The following CLSTN2 variants were observed in gnomAD, a reference collection of about 807,000 sequenced individuals.
CLSTN2 encodes calsyntenin 2, also known as calsyntenin-2.
A neutral mutation model predicts 101.2 loss-of-function variants in CLSTN2; 48 were observed. The ratio of observed to expected loss-of-function variants is 0.47; its 90% CI spans 0.38 to 0.60. CLSTN2 has a LOEUF of 0.60. CLSTN2 is among the 20% of genes least tolerant of loss of function. CLSTN2 has a pLI of 0.00. For missense variants in CLSTN2, 1,160 were observed against 1,238.2 expected, an observed-to-expected ratio of 0.94 and a Z score of 0.95; for synonymous variants, 481 against 463.6, an observed-to-expected ratio of 1.04 and a Z score of -0.48.
chr3:140,513,319 C>T lies in CLSTN2; in HGVS notation c.1345-19005C>T, dbSNP rs779032391. Among the ~76,000 whole-genome samples, 5 of 151,906 alleles carry T rather than the reference C, an allele frequency of 3.3e-5. No individual in the cohort carries two copies. The South Asian group carries it at 6.2e-4, about 19-fold the overall frequency. Reference sequence around the variant, plus strand: ...TTTATTGAGAGTTTTTAACATGAAGCGATGTTAAATTTTATCAAAGGCCTT... The same window carrying T: ...TTTATTGAGAGTTTTTAACATGAAGTGATGTTAAATTTTATCAAAGGCCTT... On this transcript the variant is annotated intron_variant, in intron 8 of 16. Coordinates refer to ENST00000458420, the MANE Select transcript of CLSTN2 (RefSeq NM_022131.3).
At chr3:140,333,358 G>A (rs1003955902) in intron 2 of CLSTN2, among the ~76,000 whole-genome samples, 1 of 152,138 alleles carries the variant, frequency 6.6e-6, no homozygotes. Context: ...GGGTCTTAGC[G>A]TGTCTCTCTG....
chr3:140,319,753 G>C (rs190871382), intron 2 of CLSTN2, among the ~76,000 whole-genome samples: 3,801 of 152,280 alleles, frequency 0.025, 174 homozygotes, highest in African/African-American at 0.086. Flanking sequence ...CTAATAATAA[G>C]CAAAGGTGCA....
chr3:140,493,623 A>C (rs1291406428), intron 8 of CLSTN2, among the ~76,000 whole-genome samples: 2 of 152,242 alleles, frequency 1.3e-5, no homozygotes, highest in Non-Finnish European at 2.9e-5. Flanking sequence ...GCTGGACAAC[A>C]TAACCAGGTC....
At chr3:140,402,441 C>G (rs929258297) in intron 2 of CLSTN2, among the ~76,000 whole-genome samples, 1 of 152,136 alleles carries the variant, frequency 6.6e-6, no homozygotes, top group African/African-American at 2.4e-5. Flanking sequence ...AAATACTTGC[C>G]TTGCAGGTTT....
chr3:140,222,768 C>T (rs934758310), intron 2 of CLSTN2, among the ~76,000 whole-genome samples: 1 of 151,510 alleles, frequency 6.6e-6, no homozygotes, highest in Admixed American at 6.6e-5. Flanking sequence ...TCCCACTACC[C>T]TGATGTGATT....
At chr3:140,066,421 G>T (rs770608583) in intron 1 of CLSTN2, among the ~76,000 whole-genome samples, 24 of 152,232 alleles carry the variant, frequency 1.6e-4, no homozygotes, top group Non-Finnish European at 2.8e-4. Flanking sequence ...TTAGAGGAAA[G>T]GCTTGGGTAG....
At chr3:140,059,387 G>A (rs1023365441) in intron 1 of CLSTN2, among the ~76,000 whole-genome samples, 34 of 152,332 alleles carry the variant, frequency 2.2e-4, no homozygotes, top group African/African-American at 5.3e-4. Flanking sequence ...CCATAAATGT[G>A]TGTTCAATGT....
At chr3:140,076,326 G>A (rs2008487888) in intron 1 of CLSTN2, among the ~76,000 whole-genome samples, 1 of 152,160 alleles carries the variant, frequency 6.6e-6, no homozygotes, top group African/African-American at 2.4e-5. Context: ...CTCTTAGGCT[G>A]TTTCCTCACC....
In CLSTN2 at chr3:140,570,570, T is replaced by C. The variant is rs2107798422; in HGVS notation, c.*4317T>C. On this transcript the variant is annotated 3_prime_UTR_variant, in exon 17 of 17. Coordinates refer to ENST00000458420, the MANE Select transcript of CLSTN2 (RefSeq NM_022131.3). ...TGTACTCAGCTCTCCTATTGTAGCA[T>C]GAAAACAGACAATACGTACAACAAA... 1 of 152,324 alleles carries C rather than the reference T, an allele frequency of 6.6e-6. No individual in the cohort carries two copies. The highest frequency in any genetic ancestry group is 6.5e-5 in the Admixed American group (1 of 15,302). The allele number at this position is 152,324 out of a possible 1,614,324, so 9.4% of individuals were successfully genotyped here. A position where few individuals can be genotyped will look rare whatever the true frequency, so the allele number is the denominator to read the frequency against.
chr3:140,546,569 G>C lies in CLSTN2; in HGVS notation c.1562G>C (p.Ser521Thr), dbSNP rs962838828. Residue 521 changes from serine (S) to threonine (T), a missense_variant, in exon 10 of 17, where the codon AGT becomes ACT. Transcript: ENST00000458420. ...FAQFFHGSLA[S>T]LTIRPGKMES... ...CAGTTCTTTCATGGAAGCCTGGCCA[G>C]TCTCACCATCCGCCCTGGCAAAATG... 11 of 1,613,996 alleles carry C rather than the reference G, an allele frequency of 6.8e-6. No homozygotes were observed. The African/African-American group carries it at 1.2e-4, about 18-fold the overall frequency.
At chr3:140,488,192 T>C (rs1187192138) in intron 8 of CLSTN2, among the ~76,000 whole-genome samples, 1 of 152,214 alleles carries the variant, frequency 6.6e-6, no homozygotes, top group Non-Finnish European at 1.5e-5. Flanking sequence ...ATGAAGTACA[T>C]ATTCATTCAC....
intron 8 of CLSTN2, among the ~76,000 whole-genome samples, chr3:140,496,480 G>A (rs112409802): frequency 0.21 from 31,803 of 151,762 alleles, 3,416 homozygotes; most frequent in African/African-American, 0.25. Context: ...TGATTTCCTG[G>A]GCCAAACTTC....
intron 5 of CLSTN2, among the ~76,000 whole-genome samples, chr3:140,428,923 G>A (rs1216718126): frequency 6.6e-6 from 1 of 152,124 alleles, no homozygotes; most frequent in African/African-American, 2.4e-5. Flanking sequence ...CAGTCAGTAG[G>A]GGGGATCTTG....
At chr3:140,389,399 T>C (rs759127592) in intron 2 of CLSTN2, among the ~76,000 whole-genome samples, 1 of 152,258 alleles carries the variant, frequency 6.6e-6, no homozygotes, top group Non-Finnish European at 1.5e-5. Flanking sequence ...TTTGGTTTTG[T>C]GTTCCTGTGT....
chr3:140,431,392 T>C (rs1480421713), intron 5 of CLSTN2, among the ~76,000 whole-genome samples: 1 of 152,156 alleles, frequency 6.6e-6, no homozygotes, highest in Non-Finnish European at 1.5e-5. Context: ...TGTGGCTCCT[T>C]ACACCAGGGC....
chr3:140,408,666 T>C (rs1200093347), intron 4 of CLSTN2, among the ~76,000 whole-genome samples: 1 of 152,134 alleles, frequency 6.6e-6, no homozygotes, highest in Non-Finnish European at 1.5e-5. Flanking sequence ...AGTTACCACC[T>C]CTCTTCTTCC....
intron 1 of CLSTN2, among the ~76,000 whole-genome samples, chr3:139,966,550 GCC>G (rs1935601567): frequency 6.6e-6 from 1 of 152,078 alleles, no homozygotes; most frequent in African/African-American, 2.4e-5. Flanking sequence ...CTCAGCTCAG[GCC>G]TCACCCCTTT....
At chr3:139,967,608 A>G (rs944135289) in intron 1 of CLSTN2, among the ~76,000 whole-genome samples, 1 of 152,130 alleles carries the variant, frequency 6.6e-6, no homozygotes, top group African/African-American at 2.4e-5. Flanking sequence ...TTTTCTCTGT[A>G]TTATTTTGTT....
chr3:139,982,474 AT>A (rs1452452678), intron 1 of CLSTN2, among the ~76,000 whole-genome samples: 2 of 152,144 alleles, frequency 1.3e-5, no homozygotes, highest in African/African-American at 4.8e-5. Context: ...AGAATATTTA[AT>A]AGCTGCAAAT....
Sources: allele counts gnomAD v4.1 joint callset (sites outside exome capture counted in the v4.1 genomes callset), GRCh38; gene constraint gnomAD v4.1.1; transcripts MANE v1.5; gene names NCBI Gene and HGNC (gene_info 2026-07-23, HGNC 2026-07-21).